Variants in STAG2 observed in about 807,000 individuals in gnomAD.
STAG2 encodes the protein STAG2 cohesin complex component, also known as cohesin subunit SA-2.
In STAG2, 14 loss-of-function variants were observed where a neutral mutation model predicts 108.1. The ratio of observed to expected loss-of-function variants is 0.13; its 90% CI spans 0.09 to 0.20. The LOEUF (loss-of-function observed/expected upper bound fraction) is 0.20, where lower values mean the gene tolerates loss of function less well. Ranked by LOEUF, STAG2 falls within the 10% of genes least tolerant of loss-of-function variation. STAG2 has a pLI of 1.00. For synonymous variants in STAG2, 307 were observed against 302.7 expected (o/e 1.01, Z -0.15); for missense variants, 440 against 940.9 (o/e 0.47, Z 6.96).
intron 1 of STAG2, among the ~76,000 whole-genome samples, chrX:124,001,355 G>T (rs908436708): frequency 3.6e-5 from 4 of 111,721 alleles, no homozygotes; most frequent in Non-Finnish European, 7.5e-5. Flanking sequence ...CTCCCAAAGT[G>T]CTGAGATTAC....
intron 1 of STAG2, among the ~76,000 whole-genome samples, chrX:123,987,946 A>G (rs2055276422): frequency 8.9e-6 from 1 of 112,031 alleles, no homozygotes; most frequent in Non-Finnish European, 1.9e-5. Flanking sequence ...GTACAATTGT[A>G]TCCATTTTGT....
chrX:124,046,112 TAAATA>T (rs961887388), intron 8 of STAG2, among the ~76,000 whole-genome samples: 3 of 111,956 alleles, frequency 2.7e-5, no homozygotes, highest in South Asian at 7.3e-4. Context: ...TGAGTTTCAA[TAAATA>T]AAATAGGCAT....
At chrX:124,025,624 T>C (rs73212925) in intron 3 of STAG2, among the ~76,000 whole-genome samples, 26,438 of 110,520 alleles carry the variant, frequency 0.24, 2,353 homozygotes, top group South Asian at 0.38. Context: ...GGTATTTGTA[T>C]TTTAGATTAT....
upstream of STAG2, chrX:123,961,128 T>C (rs1264109808): frequency 1.1e-5 from 1 of 87,719 alleles, no homozygotes; most frequent in Non-Finnish European, 2.2e-5. Flanking sequence ...CTTTCTCCCT[T>C]CTCCCCCCAA....
At chrX:123,977,123 C>T (rs186267687) in intron 1 of STAG2, among the ~76,000 whole-genome samples, 1 of 111,648 alleles carries the variant, frequency 9.0e-6, no homozygotes, top group African/African-American at 3.3e-5. Context: ...AAAGGCTTAG[C>T]GGCAGGGAGA....
At chrX:124,061,141 T>C in intron 15 of STAG2, 83 bp from the exon 16 acceptor site, 3 of 654,722 alleles carry the variant, frequency 4.6e-6, no homozygotes, top group Non-Finnish European at 6.8e-6. Context: ...AGTTTGTAGA[T>C]GATGTCAATA....
intron 34 of STAG2, among the ~76,000 whole-genome samples, chrX:124,096,866 C>T (rs2059391335): frequency 1.8e-5 from 2 of 112,043 alleles, no homozygotes; most frequent in Admixed American, 1.9e-4. Flanking sequence ...CAAACTAATT[C>T]ACACTAACAT....
intron 34 of STAG2, among the ~76,000 whole-genome samples, chrX:124,096,511 A>T (rs1569522073): frequency 9.0e-6 from 1 of 110,834 alleles, no homozygotes; most frequent in Non-Finnish European, 1.9e-5. Flanking sequence ...GTTTGTACAC[A>T]CTTTATTGTA....
chrX:124,002,999 G>T (rs1349356246), intron 1 of STAG2, among the ~76,000 whole-genome samples: 2 of 104,304 alleles, frequency 1.9e-5, no homozygotes, highest in African/African-American at 7.1e-5. Flanking sequence ...GTGGAGTCTT[G>T]TTCTGTCACC....
rs10217943 is a variant in STAG2 at position 124,065,932 on chromosome X, C to T, written c.2082C>T (p.Ile694=). ...AGGTATTGTCAACATTGAAGAGGAT[C>T]ACTGCTTTTCATAAGTAAGTTGAAT... ...AYQVLSTLKR[I]TAFHNAHDLS... Residue 694 remains isoleucine (I), a synonymous_variant, in exon 21 of 35, where the codon ATC becomes ATT. Coordinates refer to ENST00000371145, the MANE Select transcript of STAG2 (RefSeq NM_001042750.2). 4,585 of 1,167,531 alleles carry T rather than the reference C, an allele frequency of 3.9e-3. 122 individuals carry two copies. In the African/African-American group the frequency reaches 0.071, roughly 18 times the overall value.
At position 124,050,317 on chromosome X, in the gene STAG2, G is replaced by T; in HGVS notation, c.1017+8G>T. On this transcript the variant is annotated splice_region_variant and intron_variant, in intron 11 of 34. Transcript: ENST00000371145. ...TGGACTATGCATGATAAGGTAAGAT[G>T]TGCCCTTCAGACTGCTTCTTTCTAC... 1 of 1,196,853 alleles carries T rather than the reference G, an allele frequency of 8.4e-7. No homozygotes were observed. Among genetic ancestry groups the T allele is most frequent in the Non-Finnish European group, 1.1e-6 (1 of 888,134 alleles).
At chrX:123,972,912 G>A (rs755254837) in intron 1 of STAG2, among the ~76,000 whole-genome samples, 1 of 101,947 alleles carries the variant, frequency 9.8e-6, no homozygotes, top group African/African-American at 3.6e-5. Context: ...AGCCTGGCGT[G>A]GTGGCGCTCA....
chrX:124,076,256 T>G (rs1259306903), intron 25 of STAG2, 76 bp from the exon 26 acceptor site: 1 of 969,648 alleles, frequency 1.0e-6, no homozygotes, highest in Non-Finnish European at 1.4e-6. Flanking sequence ...AAAAGCATGT[T>G]TCATAGTGAG....
chrX:124,095,626 T>C (rs111935362), intron 34 of STAG2, 177 bp downstream of exon 34: 1 of 423,881 alleles, frequency 2.4e-6, no homozygotes, highest in East Asian at 3.8e-5. Context: ...TGCAATAGTG[T>C]TGACAGATTA....
intron 28 of STAG2, among the ~76,000 whole-genome samples, chrX:124,082,119 T>G (rs2058977258): frequency 8.9e-6 from 1 of 111,838 alleles, no homozygotes; most frequent in African/African-American, 3.2e-5. Flanking sequence ...CACATCTTTT[T>G]TATCAACTTT....
rs910202079 is a variant in STAG2, at chrX:124,066,065, T to C, written c.2097-110T>C. 62 of 879,118 alleles carry C rather than the reference T, an allele frequency of 7.1e-5. No homozygotes were observed. In the South Asian group the frequency reaches 1.6e-3, roughly 23 times the overall value. 72.4% of individuals were successfully genotyped at this position (879,118 alleles called of 1,213,427 possible). ...TTGTCGTTGTGGGGGCATTTTAAAG[T>C]TTACTGCATTTACTGCATTCTGTTA... On this transcript the variant is annotated intron_variant, in intron 21 of 34. Transcript: ENST00000371145.
At chrX:124,087,991 C>T (rs1034297502) in intron 30 of STAG2, among the ~76,000 whole-genome samples, 3 of 111,697 alleles carry the variant, frequency 2.7e-5, no homozygotes, top group African/African-American at 9.8e-5. Context: ...CTTTTATTAC[C>T]CTGGGCCAGT....
chrX:123,981,702 A>C (rs1345506270), intron 1 of STAG2, among the ~76,000 whole-genome samples: 4 of 111,386 alleles, frequency 3.6e-5, no homozygotes, highest in Admixed American at 1.9e-4. Flanking sequence ...ATTGCTCCAC[A>C]AATATTTGAG....
At position 124,047,385 on chromosome X, in the gene STAG2, G is replaced by C; in HGVS notation, c.699G>C (p.Val233=). 8.3e-7 allele frequency: 1 copy of C among 1,198,657 alleles called. No homozygotes were observed. Among genetic ancestry groups the C allele is most frequent in the Non-Finnish European group, 1.1e-6 (1 of 889,542 alleles). The change falls in exon 9 of 35, where the codon GTG becomes GTC. Residue 233 remains valine, a synonymous_variant. Coordinates refer to ENST00000371145, the MANE Select transcript of STAG2 (RefSeq NM_001042750.2). ...AGTTGATGACAGCTTTGGTGAATGT[G>C]GCACTAAATCTTAGCATTAATATGG... ...AMKLMTALVN[V]ALNLSINMDN...
Sources: allele counts gnomAD v4.1 joint callset (sites outside exome capture counted in the v4.1 genomes callset), GRCh38; gene constraint gnomAD v4.1.1; transcripts MANE v1.5; gene names NCBI Gene and HGNC (gene_info 2026-07-23, HGNC 2026-07-21).